RAB10: variants seen among roughly 807,000 people sequenced by gnomAD.
RAB10 encodes the protein ras-related protein Rab-10.
RAB10 carries 5 observed loss-of-function variants against 25.7 expected under a neutral mutation model. That is an observed-to-expected ratio of 0.19 (90% CI 0.10 to 0.41). The LOEUF is 0.41. Among genes scored for constraint, RAB10 ranks in the 10% least tolerant of loss-of-function variants. The pLI is 1.00. For missense variants in RAB10, 103 were observed against 245.8 expected (o/e 0.42, Z 3.89); for synonymous variants, 89 against 86.4 (o/e 1.03, Z -0.16).
At chr2:26,068,087 C>G (rs1169243149) in intron 1 of RAB10, among the ~76,000 whole-genome samples, 1 of 152,060 alleles carries the variant, frequency 6.6e-6, no homozygotes, top group Non-Finnish European at 1.5e-5. Context: ...GAATGCTGTC[C>G]TGGGGAAATG....
intron 1 of RAB10, among the ~76,000 whole-genome samples, chr2:26,069,010 G>T (rs568447566): frequency 6.6e-6 from 1 of 152,232 alleles, no homozygotes; most frequent in Non-Finnish European, 1.5e-5. Context: ...TTTCTAGTTT[G>T]TCTTAAGCTT....
chr2:26,065,700 A>G (rs2149268728), intron 1 of RAB10, among the ~76,000 whole-genome samples: 1 of 152,342 alleles, frequency 6.6e-6, no homozygotes, highest in South Asian at 2.1e-4. Flanking sequence ...TATCATTGAC[A>G]TGTAACAGAA....
At chr2:26,069,682 A>G (rs1298818287) in intron 1 of RAB10, among the ~76,000 whole-genome samples, 5 of 151,648 alleles carry the variant, frequency 3.3e-5, no homozygotes, top group African/African-American at 1.2e-4. Flanking sequence ...CCCCAAAAAA[A>G]AAGAAAAAAG....
intron 1 of RAB10, among the ~76,000 whole-genome samples, chr2:26,097,638 C>T (rs1667250893): frequency 1.3e-5 from 2 of 152,190 alleles, no homozygotes; most frequent in Non-Finnish European, 2.9e-5. Context: ...TCTCTTGATA[C>T]ATACTCAGTC....
chr2:26,119,555 T>C (rs554691896), intron 3 of RAB10, among the ~76,000 whole-genome samples: 1 of 152,170 alleles, frequency 6.6e-6, no homozygotes, highest in Admixed American at 6.5e-5. Context: ...AGACAGGGTC[T>C]CACTCTGTCA....
At chr2:26,083,283 A>C (rs1296160958) in intron 1 of RAB10, among the ~76,000 whole-genome samples, 1 of 152,136 alleles carries the variant, frequency 6.6e-6, no homozygotes, top group Non-Finnish European at 1.5e-5. Context: ...CCTTCTCCAC[A>C]AAAAAAGAGC....
chr2:26,053,338 G>A (rs559162399), intron 1 of RAB10, among the ~76,000 whole-genome samples: 9 of 152,286 alleles, frequency 5.9e-5, no homozygotes, highest in Admixed American at 4.6e-4. Flanking sequence ...ACATTTAAAG[G>A]AGACAGCTTT....
chr2:26,096,422 C>CTGGA (rs1331341053), intron 1 of RAB10, among the ~76,000 whole-genome samples: 1,220 of 83,228 alleles, frequency 0.015, 22 homozygotes, highest in African/African-American at 0.049. Flanking sequence ...GGATGGATGG[C>CTGGA]TGGCTGGCTG....
Position 26,129,140 on chromosome 2 carries a change from C to T in RAB10, c.519+1189C>T, listed in dbSNP as rs968894733. On this transcript the variant is annotated intron_variant, in intron 5 of 5. Coordinates refer to ENST00000264710, the MANE Select transcript of RAB10 (RefSeq NM_016131.5). ...CAAAAATTAGCTGGGTGTGGTGGCA[C>T]GTGCCTGTAATCCCAGCTTCTTGGG... 4.6e-5 allele frequency among the ~76,000 whole-genome samples: 7 copies of T among 151,868 alleles called. No homozygotes were observed. In the East Asian group the frequency reaches 1.2e-3, roughly 25 times the overall value.
chr2:26,033,520 C>T (rs1438702087), upstream of RAB10, among the ~76,000 whole-genome samples: 4 of 152,256 alleles, frequency 2.6e-5, no homozygotes, highest in Admixed American at 6.5e-5. Context: ...TCAGGGCTGG[C>T]CCTGGAGAGG....
chr2:26,077,934 G>A (rs562928872), intron 1 of RAB10, among the ~76,000 whole-genome samples: 124 of 152,076 alleles, frequency 8.2e-4, no homozygotes, highest in African/African-American at 2.7e-3. Flanking sequence ...AGCCAAGATC[G>A]CGCCACTGCA....
At chr2:26,133,925 C>T (rs1668057398) in intron 5 of RAB10, among the ~76,000 whole-genome samples, 1 of 152,160 alleles carries the variant, frequency 6.6e-6, no homozygotes, top group Non-Finnish European at 1.5e-5. Context: ...CCACCCGCCT[C>T]GGCCTCCCAA....
intron 1 of RAB10, among the ~76,000 whole-genome samples, chr2:26,097,213 C>T (rs1574550370): frequency 1.3e-5 from 2 of 152,116 alleles, no homozygotes; most frequent in East Asian, 3.9e-4. Flanking sequence ...AAGACCTTGT[C>T]TCAAAACAAA....
intron 5 of RAB10, among the ~76,000 whole-genome samples, chr2:26,130,074 T>C (rs987708415): frequency 6.6e-6 from 1 of 152,198 alleles, no homozygotes; most frequent in Admixed American, 6.5e-5. Context: ...GGACGGATCA[T>C]AGGGCAGATT....
chr2:26,112,150 T>TG (rs1226379459), intron 3 of RAB10, among the ~76,000 whole-genome samples: 2 of 152,230 alleles, frequency 1.3e-5, no homozygotes, highest in East Asian at 3.8e-4. Flanking sequence ...AGCACCTTGA[T>TG]GTGTTCACCG....
intron 1 of RAB10, among the ~76,000 whole-genome samples, chr2:26,080,072 CAAAG>C (rs1451174503): frequency 6.6e-6 from 1 of 152,106 alleles, no homozygotes; most frequent in South Asian, 2.1e-4. Context: ...TTCTAGAAAA[CAAAG>C]AAGTGCTCAG....
intron 1 of RAB10, among the ~76,000 whole-genome samples, chr2:26,039,608 C>T (rs1292233054): frequency 2.0e-5 from 3 of 152,060 alleles, no homozygotes; most frequent in Non-Finnish European, 2.9e-5. Flanking sequence ...CTCGGCCTCC[C>T]AAAGTTCTGG....
At chr2:26,041,260 G>T (rs1665877577) in intron 1 of RAB10, among the ~76,000 whole-genome samples, 1 of 152,094 alleles carries the variant, frequency 6.6e-6, no homozygotes, top group Non-Finnish European at 1.5e-5. Flanking sequence ...ATTAGCTGTG[G>T]CCGGGCGCAG....
chr2:26,105,675 A>T (rs573274952), intron 2 of RAB10, among the ~76,000 whole-genome samples: 31 of 152,198 alleles, frequency 2.0e-4, no homozygotes, highest in Non-Finnish European at 4.1e-4. Flanking sequence ...GAATGCAGTC[A>T]ACTGTGTAGA....
Sources: gnomAD v4.1 joint callset for allele counts (sites outside exome capture counted in the v4.1 genomes callset) on GRCh38, gnomAD v4.1.1 for gene constraint, MANE v1.5 for transcripts, NCBI Gene and HGNC (gene_info 2026-07-23, HGNC 2026-07-21) for gene names.